ZHX3: variants seen among roughly 807,000 people sequenced by gnomAD.
The protein encoded by ZHX3 is zinc fingers and homeoboxes 3.
ZHX3 carries 20 observed loss-of-function variants against 64.5 expected under a neutral mutation model. The ratio of observed to expected loss-of-function variants is 0.31; its 90% confidence interval spans 0.22 to 0.45. ZHX3 has a LOEUF of 0.45. ZHX3 is among the 20% of genes least tolerant of loss of function. The pLI is 1.00. For synonymous variants in ZHX3, 423 were observed against 461.6 expected, an observed-to-expected ratio of 0.92 and a Z score of 1.07; for missense variants, 1,041 against 1,195.8, an observed-to-expected ratio of 0.87 and a Z score of 1.91.
chr20:41,191,955 C>A (rs2037057236), intron 3 of ZHX3, among the ~76,000 whole-genome samples: 1 of 152,182 alleles, frequency 6.6e-6, no homozygotes, highest in South Asian at 2.1e-4. Context: ...TTAGTGGGTT[C>A]AAGCAGGCTG....
At chr20:41,210,491 T>A (rs2146279715) in intron 2 of ZHX3, among the ~76,000 whole-genome samples, 1 of 152,280 alleles carries the variant, frequency 6.6e-6, no homozygotes, top group East Asian at 1.9e-4. Flanking sequence ...ATGTGGCACA[T>A]ATACACCATG....
chr20:41,230,209 G>C (rs1400565000), intron 2 of ZHX3, among the ~76,000 whole-genome samples: 1 of 149,546 alleles, frequency 6.7e-6, no homozygotes, highest in Non-Finnish European at 1.5e-5. Context: ...TTTTTTTACT[G>C]TTTCAATGTG....
intron 1 of ZHX3, among the ~76,000 whole-genome samples, chr20:41,289,889 A>G (rs1463964669): frequency 1.3e-5 from 2 of 152,214 alleles, no homozygotes. Context: ...TGAATTATGT[A>G]AGTATGCACT....
At chr20:41,191,735 T>A (rs2037036908) in intron 3 of ZHX3, among the ~76,000 whole-genome samples, 1 of 152,194 alleles carries the variant, frequency 6.6e-6, no homozygotes, top group African/African-American at 2.4e-5. Flanking sequence ...TGTGCAGTAG[T>A]GTAGTCTCTG....
chr20:41,231,390 G>A (rs570809458), intron 2 of ZHX3, among the ~76,000 whole-genome samples: 1 of 152,238 alleles, frequency 6.6e-6, no homozygotes, highest in South Asian at 2.1e-4. Context: ...AAACACACCA[G>A]CCTCCTTGCC....
At chr20:41,277,915 A>G (rs1448708015) in intron 1 of ZHX3, among the ~76,000 whole-genome samples, 1 of 139,672 alleles carries the variant, frequency 7.2e-6, no homozygotes, top group African/African-American at 2.7e-5. Context: ...TATTTTAAGC[A>G]TGTTTTAAAT....
In ZHX3 at chr20:41,255,163, T is replaced by TA. The variant is rs1568902649; in HGVS notation, c.-151+13826_-151+13827insT. Among the ~76,000 whole-genome samples the TA allele has an allele frequency of 1.7e-3, 259 of 151,944 alleles. 1 individual carries two copies. The highest frequency in any genetic ancestry group is 5.8e-3 in the African/African-American group (242 of 41,468). ...TTTTGAAAAAATGATATATATATATTTTTTTTGACATGGAGTCTCGCACTG... is the reference window on the plus strand; with the variant it reads ...TTTTGAAAAAATGATATATATATATTATTTTTTGACATGGAGTCTCGCACTG... On this transcript the variant is annotated intron_variant, in intron 2 of 3. Coordinates refer to ENST00000683867, the MANE Select transcript of ZHX3 (RefSeq NM_001384317.1).
intron 3 of ZHX3, chr20:41,196,744 A>AGG (rs987749753): frequency 5.4e-6 from 1 of 186,526 alleles, no homozygotes; most frequent in Non-Finnish European, 1.1e-5. Context: ...AAGGCTTTGA[A>AGG]GGCCAAGAAG....
intron 1 of ZHX3, among the ~76,000 whole-genome samples, chr20:41,270,374 CAA>C (rs71193635): frequency 0.45 from 37,793 of 83,352 alleles, 7,593 homozygotes; most frequent in East Asian, 0.78. Flanking sequence ...AAACTCCGTC[CAA>C]AAAAAAAAAA....
At chr20:41,315,129 A>G (rs2045248816) in intron 1 of ZHX3, among the ~76,000 whole-genome samples, 2 of 152,184 alleles carry the variant, frequency 1.3e-5, no homozygotes, top group African/African-American at 4.8e-5. Context: ...GTTAATATCC[A>G]GGGACCAGAG....
intron 2 of ZHX3, among the ~76,000 whole-genome samples, chr20:41,222,578 G>A (rs1369095982): frequency 1.3e-5 from 2 of 152,144 alleles, no homozygotes; most frequent in Admixed American, 6.5e-5. Context: ...AGAAATGGGG[G>A]TTGGGGGGAG....
chr20:41,302,431 T>C (rs1339077876), intron 1 of ZHX3, among the ~76,000 whole-genome samples: 1 of 152,238 alleles, frequency 6.6e-6, no homozygotes. Flanking sequence ...ACTTGCCTTC[T>C]TTACCAGGAA....
intron 1 of ZHX3, among the ~76,000 whole-genome samples, chr20:41,278,236 G>A (rs2043490426): frequency 7.2e-6 from 1 of 138,542 alleles, no homozygotes; most frequent in Admixed American, 7.2e-5. Context: ...CCAGCTACTC[G>A]GGAAGCTGGG....
At chr20:41,269,876 T>A (rs1175120062) in intron 1 of ZHX3, among the ~76,000 whole-genome samples, 2 of 150,132 alleles carry the variant, frequency 1.3e-5, no homozygotes, top group Non-Finnish European at 2.9e-5. Context: ...CACATTTTTT[T>A]TGCCCCTCAA....
chr20:41,266,810 G>T (rs1310798655), intron 2 of ZHX3, among the ~76,000 whole-genome samples: 1 of 144,376 alleles, frequency 6.9e-6, no homozygotes, highest in Non-Finnish European at 1.5e-5. Flanking sequence ...CTCCCAAAGT[G>T]CTAGGATTAC....
In ZHX3 at chr20:41,181,049, T is replaced by C. The variant is rs1247987201; in HGVS notation, c.*4142A>G. The C allele has an allele frequency of 2.0e-5, 3 of 152,138 alleles. No homozygotes were observed. Among genetic ancestry groups the C allele is most frequent in the Non-Finnish European group, 4.4e-5 (3 of 68,088 alleles). The allele number at this position is 152,138 out of a possible 1,614,324, so 9.4% of individuals were successfully genotyped here. On this transcript the variant is annotated 3_prime_UTR_variant, in exon 4 of 4. Coordinates refer to ENST00000683867, the MANE Select transcript of ZHX3 (RefSeq NM_001384317.1). ...AAGTGCTCCCCAAACTACATGGGAG[T>C]AGCCCCCCGTGGTCTGGGCAGGCTG... is the stretch of plus-strand genomic sequence containing the variant.
intron 2 of ZHX3, among the ~76,000 whole-genome samples, chr20:41,259,019 T>C (rs1421809649): frequency 2.0e-5 from 3 of 152,222 alleles, no homozygotes; most frequent in African/African-American, 7.2e-5. Context: ...CACATTTTCA[T>C]TGTTTAAAAA....
At chr20:41,223,456 C>T (rs1467533725) in intron 2 of ZHX3, among the ~76,000 whole-genome samples, 1 of 152,160 alleles carries the variant, frequency 6.6e-6, no homozygotes, top group Non-Finnish European at 1.5e-5. Context: ...CACACTTATA[C>T]AATGGAGTAA....
intron 1 of ZHX3, chr20:41,299,871 CAAAAAAAAAAAA>C (rs558506519): frequency 1.8e-5 from 1 of 55,010 alleles, no homozygotes; most frequent in South Asian, 7.5e-4. Flanking sequence ...GACTCGGTCT[CAAAAAAAAAAAA>C]AAAAAAAAAA....
Sources: allele counts gnomAD v4.1 joint callset (sites outside exome capture counted in the v4.1 genomes callset), GRCh38; gene constraint gnomAD v4.1.1; transcripts MANE v1.5; gene names NCBI Gene and HGNC (gene_info 2026-07-23, HGNC 2026-07-21).